CDH4: variants seen among roughly 807,000 people sequenced by gnomAD.
CDH4 encodes the protein cadherin 4, also known as cadherin-4.
Under a neutral mutation model 86.0 loss-of-function variants are expected in CDH4, and 33 were observed. The observed-to-expected ratio is 0.38, with a 90% CI of 0.29 to 0.51. The LOEUF is 0.51. Ranked by LOEUF, CDH4 falls within the 20% of genes least tolerant of loss-of-function variation. The pLI, the probability that CDH4 is intolerant of heterozygous loss-of-function variation, is 0.86. For synonymous variants in CDH4, 555 were observed against 549.4 expected (o/e 1.01, Z -0.14); for missense variants, 1,114 against 1,307.4 (o/e 0.85, Z 2.28).
intron 2 of CDH4, among the ~76,000 whole-genome samples, chr20:61,384,506 G>A (rs2084940815): frequency 6.6e-6 from 1 of 152,158 alleles, no homozygotes; most frequent in Non-Finnish European, 1.5e-5. Context: ...TGGATGTGTG[G>A]TTTGTCCTGC....
intron 2 of CDH4, among the ~76,000 whole-genome samples, chr20:61,278,434 G>A (rs2084241593): frequency 6.6e-6 from 1 of 152,216 alleles, no homozygotes; most frequent in Admixed American, 6.5e-5. Context: ...TCTGACTCTA[G>A]ATGTTAAAAT....
chr20:61,750,989 G>C (rs1000231646), intron 3 of CDH4, among the ~76,000 whole-genome samples: 3 of 152,194 alleles, frequency 2.0e-5, no homozygotes, highest in Non-Finnish European at 4.4e-5. Context: ...GATATGCTGA[G>C]CTCATAACTT....
intron 2 of CDH4, among the ~76,000 whole-genome samples, chr20:61,603,627 C>A (rs1021182120): frequency 6.6e-6 from 1 of 152,194 alleles, no homozygotes; most frequent in Non-Finnish European, 1.5e-5. Context: ...TCACTCCATG[C>A]CCACCCCGTC....
intron 2 of CDH4, among the ~76,000 whole-genome samples, chr20:61,575,047 T>C (rs557365808): frequency 6.6e-6 from 1 of 152,314 alleles, no homozygotes; most frequent in East Asian, 1.9e-4. Context: ...GTTTTGTTAA[T>C]GAGGTTCTAG....
intron 6 of CDH4, among the ~76,000 whole-genome samples, chr20:61,868,056 C>T (rs1445075672): frequency 6.6e-6 from 1 of 152,182 alleles, no homozygotes; most frequent in Non-Finnish European, 1.5e-5. Flanking sequence ...GACTTGGACC[C>T]CTGATCAATA....
intron 2 of CDH4, among the ~76,000 whole-genome samples, chr20:61,540,877 T>A (rs1173087550): frequency 6.6e-6 from 1 of 151,846 alleles, no homozygotes; most frequent in Non-Finnish European, 1.5e-5. Context: ...GACCCTCCAA[T>A]AAGGCAGGAA....
At chr20:61,729,686 GGA>G (rs2088155542) in intron 2 of CDH4, among the ~76,000 whole-genome samples, 1 of 152,212 alleles carries the variant, frequency 6.6e-6, no homozygotes, top group Admixed American at 6.5e-5. Flanking sequence ...GGGCCACACC[GGA>G]GAGTGTAAGG....
Position 61,582,025 on chromosome 20 carries a change from G to A in CDH4, c.170-161538G>A, listed in dbSNP as rs1600779321. On this transcript the variant is annotated intron_variant, in intron 2 of 15. Transcript: ENST00000614565. The surrounding 1 kb of genome is among the most constrained non-coding windows in gnomAD (Gnocchi z 4.2). ...CAGCCATCATGTGGGCGCCTCCTCA[G>A]GGCAGCCTGTGGGAAGAGGGTGCTC... Among the ~76,000 whole-genome samples the A allele has an allele frequency of 6.6e-6, 1 of 152,226 alleles. No homozygotes were observed. The highest frequency in any genetic ancestry group is 2.4e-5 in the African/African-American group (1 of 41,466).
chr20:61,816,544 A>G (rs1199351025), intron 4 of CDH4, among the ~76,000 whole-genome samples: 4 of 152,226 alleles, frequency 2.6e-5, no homozygotes, highest in Non-Finnish European at 1.5e-5. Flanking sequence ...CTGCTCCCTG[A>G]GACTTATTCA....
intron 2 of CDH4, among the ~76,000 whole-genome samples, chr20:61,446,553 C>A (rs1444513812): frequency 6.6e-6 from 1 of 151,472 alleles, no homozygotes; most frequent in African/African-American, 2.5e-5. Flanking sequence ...TCCGCCTCAT[C>A]TTAAAAAGTT....
At position 61,383,279 on chromosome 20, in the gene CDH4, A is replaced by ATGATATATATGAATATATG. The variant is rs1568822393; in HGVS notation, c.169+128399_169+128417dup. On this transcript the variant is annotated intron_variant, in intron 2 of 15. Coordinates refer to ENST00000614565, the MANE Select transcript of CDH4 (RefSeq NM_001794.5). ...GAATATATGTGATATATATGAATATATGATATATATGAATATATGTGATAT... is the reference window on the plus strand; with the variant it reads ...GAATATATGTGATATATATGAATATATGATATATATGAATATATGTGATATATATGAATATATGTGATAT... Among the ~76,000 whole-genome samples the ATGATATATATGAATATATG allele has an allele frequency of 1.7e-3, 181 of 108,526 alleles. 13 individuals carry two copies. Among genetic ancestry groups the ATGATATATATGAATATATG allele is most frequent in the East Asian group, 8.7e-3 (36 of 4,120 alleles). The allele number at this position is 108,526 out of a possible 152,430, so 71.2% of individuals were successfully genotyped here.
intron 6 of CDH4, among the ~76,000 whole-genome samples, chr20:61,853,543 G>A (rs1247246546): frequency 6.6e-6 from 1 of 152,150 alleles, no homozygotes; most frequent in Non-Finnish European, 1.5e-5. Flanking sequence ...CATGTGTGGG[G>A]CCCTAGCTGA....
At chr20:61,260,509 T>C (rs1007583949) in intron 2 of CDH4, among the ~76,000 whole-genome samples, 1 of 152,158 alleles carries the variant, frequency 6.6e-6, no homozygotes, top group Non-Finnish European at 1.5e-5. Context: ...TATCTACTGG[T>C]TCTAGGGAAC....
rs2427022 is a variant in CDH4 at position 61,277,298 on chromosome 20, A to T, written c.169+22361A>T. ...CACCTCTTTTGTCTCAGTTTTATTA[A>T]AGTGTATAATGATATAATGTTTTTG... On this transcript the variant is annotated intron_variant, in intron 2 of 15. Transcript: ENST00000614565. 5.0e-3 allele frequency among the ~76,000 whole-genome samples: 763 copies of T among 152,338 alleles called. 8 individuals carry two copies. The highest frequency in any genetic ancestry group is 0.018 in the African/African-American group (730 of 41,550).
intron 2 of CDH4, among the ~76,000 whole-genome samples, chr20:61,390,963 TTAAAAAA>T (rs1186977774): frequency 6.6e-6 from 1 of 152,208 alleles, no homozygotes; most frequent in Non-Finnish European, 1.5e-5. Flanking sequence ...AATTTTGTAG[TTAAAAAA>T]TTACTTATTA....
chr20:61,522,231 T>C (rs1459611726), intron 2 of CDH4, among the ~76,000 whole-genome samples: 2 of 152,224 alleles, frequency 1.3e-5, no homozygotes, highest in African/African-American at 2.4e-5. Context: ...CCCTCACCCC[T>C]AGCTTAGCCC....
At chr20:61,660,856 G>A (rs759937021) in intron 2 of CDH4, among the ~76,000 whole-genome samples, 6 of 152,280 alleles carry the variant, frequency 3.9e-5, no homozygotes, top group Non-Finnish European at 7.3e-5. Context: ...CTCTTTGCCC[G>A]GTTTCCACAG....
chr20:61,454,892 A>AC (rs2085399420), intron 2 of CDH4, among the ~76,000 whole-genome samples: 1 of 152,186 alleles, frequency 6.6e-6, no homozygotes, highest in Admixed American at 6.5e-5. Flanking sequence ...GGGTTCCGTG[A>AC]CCAGGGTAGG....
intron 2 of CDH4, among the ~76,000 whole-genome samples, chr20:61,345,271 C>A (rs2084672098): frequency 6.6e-6 from 1 of 152,212 alleles, no homozygotes; most frequent in Admixed American, 6.5e-5. Flanking sequence ...TCGAGAGTGA[C>A]AACACGCCAT....
Sources: gnomAD v4.1 joint callset for allele counts (sites outside exome capture counted in the v4.1 genomes callset) on GRCh38, gnomAD v4.1.1 for gene constraint, Gnocchi (gnomAD v3.1) non-coding constraint, MANE v1.5 for transcripts, NCBI Gene and HGNC (gene_info 2026-07-23, HGNC 2026-07-21) for gene names.